Variants in GGT5 observed in about 807,000 individuals in gnomAD.
The protein encoded by GGT5 is gamma-glutamyltransferase 5.
A neutral mutation model predicts 58.1 loss-of-function variants in GGT5; 50 were observed. The ratio of observed to expected loss-of-function variants is 0.86; its 90% CI spans 0.69 to 1.09. The LOEUF is 1.09. Among genes scored for constraint, GGT5 ranks in the 50% least tolerant of loss-of-function variants. The probability of loss-of-function intolerance (pLI) is 0.00; values close to 1 mark genes in which losing one functional copy is unlikely to be tolerated. For missense variants in GGT5, 800 were observed against 789.4 expected, an observed-to-expected ratio of 1.01 and a Z score of -0.16; for synonymous variants, 370 against 346.1, an observed-to-expected ratio of 1.07 and a Z score of -0.77.
At position 24,228,061 on chromosome 22, in the gene GGT5, A is replaced by C. The variant is rs562648576; in HGVS notation, c.902-1294T>G. On this transcript the variant is annotated intron_variant, in intron 6 of 11. Transcript: ENST00000327365. ...AAGACTCTGTCTCAAAAAAAAAAAA[A>C]AAAAACAAAACAAAAAAAAAAAAAC... 7.1e-4 allele frequency among the ~76,000 whole-genome samples: 88 copies of C among 123,692 alleles called. 3 individuals are homozygous for C. The highest frequency in any genetic ancestry group is 2.6e-3 in the African/African-American group (65 of 24,978). 81.1% of individuals were successfully genotyped at this position (123,692 alleles called of 152,430 possible). A position where few individuals can be genotyped will look rare whatever the true frequency, so the allele number is the denominator to read the frequency against.
Position 24,244,550 on chromosome 22 carries a change from C to T in GGT5, c.173+3G>A. 1 of 1,609,800 alleles carries T rather than the reference C, an allele frequency of 6.2e-7. No individual in the cohort carries two copies. Among genetic ancestry groups the T allele is most frequent in the Non-Finnish European group, 8.5e-7 (1 of 1,178,016 alleles). On this transcript the variant is annotated splice_donor_region_variant and intron_variant, in intron 1 of 11. Coordinates refer to ENST00000327365, the MANE Select transcript of GGT5 (RefSeq NM_004121.5). ...ACCCAGCTTCCTCCCACGTCTCACTCACCGTCCAATATCCGAGCAGACCTT... is the reference window on the plus strand; with the variant it reads ...ACCCAGCTTCCTCCCACGTCTCACTTACCGTCCAATATCCGAGCAGACCTT...
rs150033594 is a variant in GGT5, at chr22:24,225,302, C to A, written c.1446G>T (p.Gly482=). Residue 482 remains glycine, a synonymous_variant, in exon 10 of 12, where the codon GGG becomes GGT. Coordinates refer to ENST00000327365, the MANE Select transcript of GGT5 (RefSeq NM_004121.5). ...CAGCCCCGCCAATCACTAGCTTCGA[C>A]CCCTGGGCTTTGTTGATCAAGATGG... is the stretch of plus-strand genomic sequence containing the variant. ...VPSILINKAQ[G]SKLVIGGAGG... 6.2e-7 allele frequency: 1 copy of A among 1,613,968 alleles called. No individual in the cohort carries two copies. Among genetic ancestry groups the A allele is most frequent in the Admixed American group, 1.7e-5 (1 of 59,998 alleles).
At chr22:24,236,353 G>A (rs962281708) in intron 1 of GGT5, among the ~76,000 whole-genome samples, 50 of 152,156 alleles carry the variant, frequency 3.3e-4, no homozygotes, top group African/African-American at 1.1e-3. Flanking sequence ...CTGGATGCAG[G>A]TTCTACCTCC....
intron 11 of GGT5, among the ~76,000 whole-genome samples, chr22:24,221,746 A>G (rs2047595618): frequency 6.6e-6 from 1 of 151,772 alleles, no homozygotes; most frequent in Non-Finnish European, 1.5e-5. Flanking sequence ...CCTCAGGTGA[A>G]CCACCCACCT....
At position 24,233,580 on chromosome 22, in the gene GGT5, G is replaced by T; in HGVS notation, c.318C>A (p.Val106=). The change falls in exon 3 of 12, where the codon GTC becomes GTA. Residue 106 remains valine, a synonymous_variant. Transcript: ENST00000327365. The stretch of plus-strand genomic sequence containing the variant: ...CCGGCACCGTCTCCCGGGCATTGAT[G>T]ACCTCCACCTTCCCTGGAGTAGGGC... ...IYNVTTGKVE[V]INARETVPAS... The T allele has an allele frequency of 6.2e-7, 1 of 1,607,110 alleles. No individual in the cohort carries two copies.
chr22:24,232,769 C>T, intron 4 of GGT5, 54 bp downstream of exon 4: 1 of 1,281,304 alleles, frequency 7.8e-7, no homozygotes, highest in Non-Finnish European at 1.1e-6. Context: ...GGACTGGGCC[C>T]AGACAGGATA....
At chr22:24,238,890 TTTA>T (rs2048228468) in intron 1 of GGT5, among the ~76,000 whole-genome samples, 1 of 8,144 alleles carries the variant, frequency 1.2e-4, no homozygotes, top group Non-Finnish European at 1.9e-4. Context: ...TATTATATAT[TTTA>T]TATATATATA....
chr22:24,232,477 G>A (rs941570578), intron 4 of GGT5, among the ~76,000 whole-genome samples: 1 of 152,184 alleles, frequency 6.6e-6, no homozygotes, highest in African/African-American at 2.4e-5. Flanking sequence ...ACTCCTGGGA[G>A]GGCCTGTCAG....
chr22:24,225,318 A>G lies in GGT5; in HGVS notation c.1430T>C (p.Ile477Thr). The G allele has an allele frequency of 1.2e-6, 2 of 1,613,980 alleles. No individual in the cohort carries two copies. The highest frequency in any genetic ancestry group is 4.5e-5 in the East Asian group (2 of 44,874). ...TAGCTTCGACCCCTGGGCTTTGTTGATCAAGATGGAGGGCACCATGGAGGA... is the reference window on the plus strand; with the variant it reads ...TAGCTTCGACCCCTGGGCTTTGTTGGTCAAGATGGAGGGCACCATGGAGGA... ...SPSSMVPSIL[I>T]NKAQGSKLVI... is the part of the protein sequence containing the mutation. Residue 477 changes from isoleucine to threonine, a missense_variant, in exon 10 of 12, where the codon ATC becomes ACC. Physicochemically the swap from Ile to Thr is moderately conservative, Grantham distance 89. Transcript: ENST00000327365.
At chr22:24,244,351 A>G (rs2048411682) in intron 1 of GGT5, 1 of 585,798 alleles carries the variant, frequency 1.7e-6, no homozygotes, top group South Asian at 2.1e-5. Flanking sequence ...ACACAATCAC[A>G]CACATTCACA....
At chr22:24,220,854 A>G in intron 11 of GGT5, 1 of 345,110 alleles carries the variant, frequency 2.9e-6, no homozygotes, top group East Asian at 8.1e-5. Flanking sequence ...CAATGTAGCA[A>G]GATCACGTCT....
At position 24,233,831 on chromosome 22, in the gene GGT5, G is replaced by A. The variant is rs767980852; in HGVS notation, c.304+43C>T. 2.5e-6 allele frequency: 4 copies of A among 1,586,728 alleles called. No homozygotes were observed. In the African/African-American group the frequency reaches 5.4e-5, roughly 21 times the overall value. The stretch of plus-strand genomic sequence containing the variant: ...TGGAGAAGGGGTTACGCAGTGGTGT[G>A]GACAAGCCCATCTTCCCCATGGCAG... On this transcript the variant is annotated intron_variant, in intron 2 of 11. Transcript: ENST00000327365.
chr22:24,238,816 TATATA>T (rs2048198994), intron 1 of GGT5, among the ~76,000 whole-genome samples: 4 of 17,426 alleles, frequency 2.3e-4, no homozygotes, highest in Non-Finnish European at 3.7e-4. Flanking sequence ...TAATATATTA[TATATA>T]TATATATATA....
chr22:24,230,435 G>A (rs1163729266), intron 6 of GGT5, among the ~76,000 whole-genome samples: 1 of 151,620 alleles, frequency 6.6e-6, no homozygotes, highest in Non-Finnish European at 1.5e-5. Flanking sequence ...GCCCATGCCT[G>A]TAATCCCAGC....
intron 1 of GGT5, chr22:24,244,293 G>A (rs1021581477): frequency 2.3e-5 from 9 of 396,448 alleles, no homozygotes; most frequent in African/African-American, 1.1e-4. Context: ...GCCAGTGCAC[G>A]TGCACACACA....
Position 24,225,280 on chromosome 22 carries a change from C to T in GGT5, c.1468G>A (p.Ala490Thr). The T allele has an allele frequency of 1.2e-6, 2 of 1,613,970 alleles. No homozygotes were observed. Among genetic ancestry groups the T allele is most frequent in the Middle Eastern group, 1.6e-4 (1 of 6,062 alleles). The change falls in exon 10 of 12, where the codon GCT becomes ACT. Residue 490 changes from alanine (A) to threonine (T), a missense_variant. Ala to Thr is a moderately conservative substitution (Grantham distance 58). Coordinates refer to ENST00000327365, the MANE Select transcript of GGT5 (RefSeq NM_004121.5). ...AQGSKLVIGG[A>T]GGELIISAVA... ...GCAGAGATGATGAGCTCCCCGCCAG[C>T]CCCGCCAATCACTAGCTTCGACCCC...
chr22:24,236,284 CT>C lies in GGT5; in HGVS notation c.174-2281del, dbSNP rs2048092482. Among the ~76,000 whole-genome samples, 5 of 152,168 alleles carry C rather than the reference CT, an allele frequency of 3.3e-5. No homozygotes were observed. In the South Asian group the frequency reaches 8.3e-4, roughly 25 times the overall value. ...CCCCCTTTTGCTCAGCGCCTACACC[CT>C]GGAGCCATCCTGGATTGGTCACTTT... is the stretch of plus-strand genomic sequence containing the variant. On this transcript the variant is annotated intron_variant, in intron 1 of 11. Coordinates refer to ENST00000327365, the MANE Select transcript of GGT5 (RefSeq NM_004121.5).
In GGT5 at chr22:24,220,100, A is replaced by C. The variant is rs1255118041; in HGVS notation, c.1631T>G (p.Leu544Arg). 1 of 1,614,128 alleles carries C rather than the reference A, an allele frequency of 6.2e-7. No individual in the cohort carries two copies. The highest frequency in any genetic ancestry group is 1.1e-5 in the South Asian group (1 of 91,072). Residue 544 changes from leucine (L) to arginine (R), a missense_variant, in exon 12 of 12, where the codon CTC (leucine) becomes CGC (arginine). Transcript: ENST00000327365. ...PNFSQEVQRG[L>R]QDRGQNQTQR... is the part of the protein sequence containing the mutation. Reference sequence around the variant, plus strand: ...GGTCTGGTTCTGGCCACGGTCTTGGAGTCCCCTCTGCACCTCCTGGAGAGG... The same window carrying C: ...GGTCTGGTTCTGGCCACGGTCTTGGCGTCCCCTCTGCACCTCCTGGAGAGG...
At chr22:24,239,691 A>G (rs180860767) in intron 1 of GGT5, among the ~76,000 whole-genome samples, 142 of 150,706 alleles carry the variant, frequency 9.4e-4, no homozygotes, top group African/African-American at 3.4e-3. Flanking sequence ...GCACACACAT[A>G]TATTTAAAAT....
Sources: allele counts gnomAD v4.1 joint callset (sites outside exome capture counted in the v4.1 genomes callset), GRCh38; gene constraint gnomAD v4.1.1; transcripts MANE v1.5; gene names NCBI Gene and HGNC (gene_info 2026-07-23, HGNC 2026-07-21).